The following TECTA variants were observed in gnomAD, a reference collection of about 807,000 sequenced individuals.
TECTA encodes tectorin alpha.
Under a neutral mutation model 216.8 loss-of-function variants are expected in TECTA, and 128 were observed. The observed-to-expected ratio is 0.59, with a 90% CI of 0.51 to 0.68. The LOEUF is 0.68. Ranked by LOEUF, TECTA falls within the 30% of genes least tolerant of loss-of-function variation. The probability of loss-of-function intolerance (pLI) is 0.00; values close to 1 mark genes in which losing one functional copy is unlikely to be tolerated. For missense variants in TECTA, 2,551 were observed against 2,786.2 expected (o/e 0.92, Z 1.90); for synonymous variants, 1,089 against 1,117.1 (o/e 0.97, Z 0.50).
rs200916297 is a variant in TECTA, at chr11:121,116,389, A to G, written c.791-1917A>G. On this transcript the variant is annotated intron_variant, in intron 6 of 23. Coordinates refer to ENST00000392793, the MANE Select transcript of TECTA (RefSeq NM_005422.4). ...CCAGGCATCACAGAGATGACTGGCT[A>G]TGGCCATACAACATGAGTGCCCAGT... 3.1e-4 allele frequency among the ~76,000 whole-genome samples: 47 copies of G among 152,314 alleles called. No homozygotes were observed. The East Asian group carries it at 8.1e-3, about 26-fold the overall frequency.
Position 121,113,536 on chromosome 11 carries a change from T to C in TECTA, c.625-17T>C, listed in dbSNP as rs1946465304. ...AATTTTTGTACTCAAAAATCTTGTC[T>C]TCCTTTTGTGCTGCAGGCAGGATTT... On this transcript the variant is annotated splice_polypyrimidine_tract_variant and intron_variant, in intron 5 of 23. Transcript: ENST00000392793. This position sits in a 1 kb window ranked among gnomAD's most constrained non-coding sequence, Gnocchi z 4.2. 3 of 1,613,954 alleles carry C rather than the reference T, an allele frequency of 1.9e-6. No individual in the cohort carries two copies. In the African/African-American group the frequency reaches 4.0e-5, roughly 22 times the overall value.
intron 16 of TECTA, among the ~76,000 whole-genome samples, chr11:121,163,130 G>A (rs675943): frequency 0.012 from 1,845 of 152,220 alleles, 33 homozygotes; most frequent in African/African-American, 0.036. Context: ...TGTGTATACA[G>A]GTACCACTGT....
At chr11:121,179,375 A>C (rs116853997) in intron 20 of TECTA, among the ~76,000 whole-genome samples, 2 of 152,074 alleles carry the variant, frequency 1.3e-5, no homozygotes, top group African/African-American at 2.4e-5. Flanking sequence ...TTCTAGTTTT[A>C]TTCCATTGTG....
intron 2 of TECTA, among the ~76,000 whole-genome samples, chr11:121,104,539 G>A (rs976250731): frequency 6.6e-6 from 1 of 152,114 alleles, no homozygotes; most frequent in African/African-American, 2.4e-5. Flanking sequence ...AACTCCTCTT[G>A]CTCCCTGCTT....
Position 121,152,896 on chromosome 11 carries a change from C to T in TECTA, c.4121C>T (p.Pro1374Leu). The change falls in exon 13 of 24, where the codon CCA becomes CTA. Residue 1374 changes from proline (P) to leucine (L), a missense_variant. Physicochemically the swap from Pro to Leu is moderately conservative, Grantham distance 98. Around this residue, in one of 3 missense-constraint regions of TECTA, gnomAD observed 2,375 missense variants for 2,563.9 expected, o/e 0.93. Coordinates refer to ENST00000392793, the MANE Select transcript of TECTA (RefSeq NM_005422.4). ...CTTGTTCCAGCTGTCACCTGCCCTC[C>T]AAACAGCCATTACGAGAGCTGCGTG... Reference protein sequence around the residue: ...NYTSCTVTCPPNSHYESCVSV... With the variant: ...NYTSCTVTCPLNSHYESCVSV... The T allele has an allele frequency of 6.2e-7, 1 of 1,601,544 alleles. No homozygotes were observed. The highest frequency in any genetic ancestry group is 1.1e-5 in the South Asian group (1 of 90,828).
rs150175313 is a variant in TECTA at position 121,145,746 on chromosome 11, C to T, written c.3735C>T (p.Asn1245=). 17 of 1,614,252 alleles carry T rather than the reference C, an allele frequency of 1.1e-5. No individual in the cohort carries two copies. The highest frequency in any genetic ancestry group is 4.5e-5 in the East Asian group (2 of 44,888). Residue 1245 remains asparagine, a synonymous_variant, in exon 12 of 24, where the codon AAC becomes AAT. Transcript: ENST00000392793. ...CCTATGGTCTGTGTGGCCGCTACAA[C>T]GGCAACCCTGATGATGACCTGGAGA... ...NSTYGLCGRY[N]GNPDDDLEMP...
At position 121,118,621 on chromosome 11, in the gene TECTA, A is replaced by G. The variant is rs773088206; in HGVS notation, c.1106A>G (p.His369Arg). The G allele has an allele frequency of 5.0e-6, 8 of 1,613,968 alleles. No individual in the cohort carries two copies. In the East Asian group the frequency reaches 1.6e-4, roughly 31 times the overall value. Reference protein sequence around the residue: ...PFFSVEAKNEHRRGSAVSWVK... With the variant: ...PFFSVEAKNERRRGSAVSWVK... ...TTCAGTGTGGAGGCCAAGAATGAAC[A>G]CCGCAGAGGTTCAGCCGTCTCCTGG... is the stretch of plus-strand genomic sequence containing the variant. Residue 369 changes from histidine to arginine, a missense_variant, in exon 7 of 24, where the codon CAC becomes CGC. Coordinates refer to ENST00000392793, the MANE Select transcript of TECTA (RefSeq NM_005422.4).
intron 14 of TECTA, 86 bp from the exon 15 acceptor site, chr11:121,160,049 C>A: frequency 6.4e-7 from 1 of 1,566,398 alleles, no homozygotes; most frequent in Non-Finnish European, 8.8e-7. Context: ...CTGCGACACC[C>A]AAAATATTTT....
chr11:121,127,861 A>G lies in TECTA; in HGVS notation c.1884A>G (p.Thr628=), dbSNP rs774195263. 1.8e-5 allele frequency: 29 copies of G among 1,613,970 alleles called. No individual in the cohort carries two copies. The highest frequency in any genetic ancestry group is 2.4e-5 in the Non-Finnish European group (28 of 1,180,038). ...TASRNCATPC[T]EGCECNQGFV... is the part of the protein sequence containing the mutation. ...CGCGGAACTGCGCCACGCCGTGCAC[A>G]GAGGGCTGCGAGTGCAACCAGGGCT... Residue 628 remains threonine (T), a synonymous_variant, in exon 9 of 24, where the codon ACA becomes ACG. Transcript: ENST00000392793. The surrounding 1 kb of genome is among the most constrained non-coding windows in gnomAD (Gnocchi z 5.0).
intron 2 of TECTA, among the ~76,000 whole-genome samples, chr11:121,104,454 C>T (rs974606355): frequency 7.2e-5 from 11 of 152,058 alleles, no homozygotes; most frequent in Non-Finnish European, 1.2e-4. Context: ...TGCATATACA[C>T]GAATGACCAG....
chr11:121,125,387 A>T lies in TECTA; in HGVS notation c.1289A>T (p.Glu430Val). The change falls in exon 8 of 24, where the codon GAA (glutamate) becomes GTA (valine). Residue 430 changes from glutamate to valine, a missense_variant. Physicochemically the swap from Glu to Val is moderately radical, Grantham distance 121. Around this residue, in one of 3 missense-constraint regions of TECTA, gnomAD observed 2,375 missense variants for 2,563.9 expected, o/e 0.93. Coordinates refer to ENST00000392793, the MANE Select transcript of TECTA (RefSeq NM_005422.4). Reference sequence around the variant, plus strand: ...CAGAGTGGCATATCTACTGCCGTGGAAACAGATTTTGGGCTCTTAGTGACT... The same window carrying T: ...CAGAGTGGCATATCTACTGCCGTGGTAACAGATTTTGGGCTCTTAGTGACT... The part of the protein sequence containing the change: ...IYQSGISTAV[E>V]TDFGLLVTFD... 1 of 1,614,228 alleles carries T rather than the reference A, an allele frequency of 6.2e-7. No homozygotes were observed. The highest frequency in any genetic ancestry group is 8.5e-7 in the Non-Finnish European group (1 of 1,180,048).
Position 121,109,475 on chromosome 11 carries a change from T to A in TECTA, c.463T>A (p.Tyr155Asn). ...FIVTWEEVTF[Y>N]GGSSTTPVNT... is the part of the protein sequence containing the mutation. The stretch of plus-strand genomic sequence containing the variant: ...TGTGACATGGGAGGAAGTCACGTTT[T>A]ATGGAGGCAGCAGCACCACACCTGT... Residue 155 changes from tyrosine to asparagine, a missense_variant, in exon 4 of 24, where the codon TAT (tyrosine) becomes AAT (asparagine). This residue lies in a region of TECTA where 2,375 missense variants were observed against 2,563.9 expected (regional missense o/e 0.93). Coordinates refer to ENST00000392793, the MANE Select transcript of TECTA (RefSeq NM_005422.4). The A allele has an allele frequency of 6.2e-7, 1 of 1,614,200 alleles. No individual in the cohort carries two copies. Among genetic ancestry groups the A allele is most frequent in the Non-Finnish European group, 8.5e-7 (1 of 1,180,028 alleles).
At chr11:121,175,323 G>A (rs1342469968) in intron 20 of TECTA, among the ~76,000 whole-genome samples, 2 of 151,428 alleles carry the variant, frequency 1.3e-5, no homozygotes, top group Non-Finnish European at 2.9e-5. Context: ...TTCTCTTGTG[G>A]GCATTTAGTG....
intron 7 of TECTA, among the ~76,000 whole-genome samples, chr11:121,122,303 C>T (rs1278135355): frequency 6.6e-6 from 1 of 152,136 alleles, no homozygotes; most frequent in East Asian, 1.9e-4. Flanking sequence ...CTCATTTCTT[C>T]TTTCACCATA....
At chr11:121,116,871 A>T (rs1293009030) in intron 6 of TECTA, among the ~76,000 whole-genome samples, 1 of 152,200 alleles carries the variant, frequency 6.6e-6, no homozygotes, top group African/African-American at 2.4e-5. Context: ...AGTGCCAAGG[A>T]GTGCTGAGGA....
chr11:121,123,948 G>A (rs1946583443), intron 7 of TECTA, among the ~76,000 whole-genome samples: 1 of 152,098 alleles, frequency 6.6e-6, no homozygotes. Context: ...TAGGGCTGCT[G>A]TTCCCTCCTC....
Position 121,191,029 on chromosome 11 carries a change from C to G in TECTA, c.*223C>G. 4.4e-6 allele frequency: 2 copies of G among 455,396 alleles called. No individual in the cohort carries two copies. Among genetic ancestry groups the G allele is most frequent in the South Asian group, 2.1e-5 (1 of 46,774 alleles). 28.2% of individuals were successfully genotyped at this position (455,396 alleles called of 1,614,324 possible). ...TACAAGCCAGTTATGGAAAGTATCT[C>G]TCTTGTGTAAAATTCCCAAACAGTT... On this transcript the variant is annotated 3_prime_UTR_variant, in exon 24 of 24. Transcript: ENST00000392793.
At chr11:121,132,018 C>A (rs1291958785) in intron 10 of TECTA, among the ~76,000 whole-genome samples, 2 of 152,152 alleles carry the variant, frequency 1.3e-5, no homozygotes, top group African/African-American at 4.8e-5. Context: ...ATAATTAATA[C>A]ATATTTTTCA....
chr11:121,166,377 G>C (rs1440926802), intron 17 of TECTA, among the ~76,000 whole-genome samples: 1 of 152,188 alleles, frequency 6.6e-6, no homozygotes, highest in Non-Finnish European at 1.5e-5. Context: ...TTTTAAAAAG[G>C]CTCTGCTAAT....
Sources: allele counts gnomAD v4.1 joint callset (sites outside exome capture counted in the v4.1 genomes callset), GRCh38; gene constraint gnomAD v4.1.1; regional missense constraint gnomAD v4.1.1; non-coding constraint Gnocchi (gnomAD v3.1); transcripts MANE v1.5; gene names NCBI Gene and HGNC (gene_info 2026-07-23, HGNC 2026-07-21).